RGS3: variants seen among roughly 807,000 people sequenced by gnomAD.
RGS3 encodes regulator of G-protein signalling 3.
In RGS3, 80 loss-of-function variants were observed where a neutral mutation model predicts 132.6. The observed-to-expected ratio is 0.60, with a 90% CI of 0.50 to 0.73. The LOEUF (loss-of-function observed/expected upper bound fraction) is 0.73, where lower values mean the gene tolerates loss of function less well. RGS3 is among the 30% of genes least tolerant of loss of function. RGS3 has a pLI of 0.00. For synonymous variants in RGS3, 598 were observed against 620.6 expected, an observed-to-expected ratio of 0.96 and a Z score of 0.54; for missense variants, 1,382 against 1,530.8, an observed-to-expected ratio of 0.90 and a Z score of 1.62.
intron 7 of RGS3, among the ~76,000 whole-genome samples, chr9:113,494,889 T>C (rs1251771775): frequency 1.3e-5 from 2 of 151,592 alleles, no homozygotes; most frequent in African/African-American, 4.9e-5. Flanking sequence ...TCTTCTTTTT[T>C]TTTGAGATGG....
intron 16 of RGS3, among the ~76,000 whole-genome samples, chr9:113,520,768 G>T (rs1428093653): frequency 1.3e-5 from 2 of 151,818 alleles, no homozygotes; most frequent in African/African-American, 4.8e-5. Flanking sequence ...CCAATTCCTT[G>T]ACTCCTTCTG....
In RGS3 at chr9:113,527,433, C is replaced by A. The variant is rs562872663; in HGVS notation, c.1871-1788C>A. Among the ~76,000 whole-genome samples, 41 of 152,310 alleles carry A rather than the reference C, an allele frequency of 2.7e-4. 1 individual carries two copies. The highest frequency in any genetic ancestry group is 9.4e-4 in the African/African-American group (39 of 41,570). On this transcript the variant is annotated intron_variant, in intron 17 of 24. Coordinates refer to ENST00000350696, the Ensembl canonical transcript of RGS3. ...GTGTTCTCTTAAACAAAAGAAACCACCTCCTCTTGTCTCCACCCTCAGCAA... is the reference window on the plus strand; with the variant it reads ...GTGTTCTCTTAAACAAAAGAAACCAACTCCTCTTGTCTCCACCCTCAGCAA...
chr9:113,508,505 T>G, intron 13 of RGS3, 36 bp from the exon 12 acceptor site: 2 of 1,611,878 alleles, frequency 1.2e-6, no homozygotes, highest in Non-Finnish European at 1.7e-6. Context: ...GCCCTGTTCC[T>G]GGGGCTGAGG....
chr9:113,496,684 G>T (rs775329220), intron 8 of RGS3, among the ~76,000 whole-genome samples: 6 of 152,094 alleles, frequency 3.9e-5, no homozygotes, highest in Non-Finnish European at 7.4e-5. Flanking sequence ...CTGAGTAGCT[G>T]GGATTATAGG....
chr9:113,536,324 C>T (rs1489332724), intron 18 of RGS3, among the ~76,000 whole-genome samples: 6 of 152,218 alleles, frequency 3.9e-5, no homozygotes, highest in African/African-American at 1.2e-4. Flanking sequence ...TCCAACCACC[C>T]GTTCAGCCTT....
At chr9:113,492,192 G>A (rs1830541387) in intron 7 of RGS3, among the ~76,000 whole-genome samples, 1 of 152,174 alleles carries the variant, frequency 6.6e-6, no homozygotes, top group African/African-American at 2.4e-5. Flanking sequence ...TTTTCATCTT[G>A]TAATGAGTCT....
rs571826323 is a variant in RGS3 at position 113,554,265 on chromosome 9, A to G, written c.2037+17347A>G. Among the ~76,000 whole-genome samples, 13 of 152,290 alleles carry G rather than the reference A, an allele frequency of 8.5e-5. No individual in the cohort carries two copies. The South Asian group carries it at 2.7e-3, about 32-fold the overall frequency. ...TACAAGAAGTGAAAAATTATATTTA[A>G]TCTTAATTGACATTTATTTCATTAT... On this transcript the variant is annotated intron_variant, in intron 19 of 24. Coordinates refer to ENST00000350696, the Ensembl canonical transcript of RGS3.
chr9:113,557,671 C>G (rs1833621969), intron 19 of RGS3, among the ~76,000 whole-genome samples: 1 of 152,150 alleles, frequency 6.6e-6, no homozygotes, highest in Non-Finnish European at 1.5e-5. Flanking sequence ...AATGTGGGGT[C>G]CAGTGTGGGG....
Position 113,586,171 on chromosome 9 carries a change from C to T in RGS3, c.3015+1744C>T, listed in dbSNP as rs140763950. On this transcript the variant is annotated intron_variant, in intron 20 of 24. Transcript: ENST00000350696. The stretch of plus-strand genomic sequence containing the variant: ...TTGATGGTTTCTACAGGAGAGAGTC[C>T]GGAACGCTGTCCTTCCAAGGCAAGG... 6.5e-3 allele frequency among the ~76,000 whole-genome samples: 991 copies of T among 152,224 alleles called. 44 individuals carry two copies. Among genetic ancestry groups the T allele is most frequent in the Admixed American group, 0.054 (827 of 15,278 alleles).
At chr9:113,582,254 G>A in intron 19 of RGS3, 3 of 955,194 alleles carry the variant, frequency 3.1e-6, no homozygotes, top group Non-Finnish European at 2.5e-6. Context: ...TAAGTCACCG[G>A]CCTTTGGGCT....
chr9:113,577,493 G>A (rs1161534155), intron 19 of RGS3, among the ~76,000 whole-genome samples: 1 of 152,204 alleles, frequency 6.6e-6, no homozygotes, highest in African/African-American at 2.4e-5. Context: ...GGCAACTGGT[G>A]GTGGCTTCAT....
chr9:113,507,593 C>T lies in RGS3; in HGVS notation c.1392C>T (p.Thr464=), dbSNP rs765494794. ...CACTGTCCCGTGCCACTGCCCCCAC[C>T]GACCCCAACTACATCATCCTGGCCC... Residue 464 remains threonine (T), a synonymous_variant, in exon 13 of 25, where the codon ACC becomes ACT. Coordinates refer to ENST00000350696, the Ensembl canonical transcript of RGS3. This position sits in a 1 kb window ranked among gnomAD's most constrained non-coding sequence, Gnocchi z 5.0. The T allele has an allele frequency of 1.9e-5, 29 of 1,512,302 alleles. No individual in the cohort carries two copies. Among genetic ancestry groups the T allele is most frequent in the Non-Finnish European group, 1.8e-5 (20 of 1,127,064 alleles). 93.7% of individuals were successfully genotyped at this position (1,512,302 alleles called of 1,614,324 possible). A position where few individuals can be genotyped will look rare whatever the true frequency, so the allele number is the denominator to read the frequency against.
intron 17 of RGS3, among the ~76,000 whole-genome samples, chr9:113,526,276 A>C (rs1027700637): frequency 4.6e-5 from 7 of 152,176 alleles, no homozygotes; most frequent in Admixed American, 3.3e-4. Flanking sequence ...AGCTGCTGGA[A>C]TGTTTGGAGT....
Position 113,591,597 on chromosome 9 carries a change from C to T in RGS3, c.3080+200C>T. 1 of 567,076 alleles carries T rather than the reference C, an allele frequency of 1.8e-6. No individual in the cohort carries two copies. Among genetic ancestry groups the T allele is most frequent in the Non-Finnish European group, 3.2e-6 (1 of 314,766 alleles). The allele number at this position is 567,076 out of a possible 1,614,324, so 35.1% of individuals were successfully genotyped here. ...GTCACCTGGGTCCTGAGCATTCTCT[C>T]CAAGTGAGGCAAAGTGCTGATTCAG... On this transcript the variant is annotated intron_variant, in intron 21 of 24. Transcript: ENST00000350696. The surrounding 1 kb of genome is among the most constrained non-coding windows in gnomAD (Gnocchi z 4.4).
exon 20 of RGS3, chr9:113,584,236 C>G (rs144903962): frequency 6.2e-7 from 1 of 1,611,826 alleles, no homozygotes; most frequent in Non-Finnish European, 8.5e-7. Context: ...GCGCCGGACG[C>G]ACAGCGAGGG....
At chr9:113,569,485 C>A (rs1186590955) in intron 19 of RGS3, among the ~76,000 whole-genome samples, 1 of 152,156 alleles carries the variant, frequency 6.6e-6, no homozygotes. Context: ...ATCTTCACTT[C>A]TCAGACCTCA....
intron 3 of RGS3, among the ~76,000 whole-genome samples, chr9:113,471,176 T>A (rs969262977): frequency 1.3e-5 from 2 of 152,080 alleles, no homozygotes; most frequent in African/African-American, 2.4e-5. Context: ...TGTGTCTGAT[T>A]ACAGTTCACT....
chr9:113,531,515 C>G (rs1294126380), intron 18 of RGS3, among the ~76,000 whole-genome samples: 1 of 152,126 alleles, frequency 6.6e-6, no homozygotes, highest in East Asian at 1.9e-4. Context: ...ACACAGTGAG[C>G]GCTCAATAAA....
intron 10 of RGS3, among the ~76,000 whole-genome samples, chr9:113,498,372 T>G (rs999245528): frequency 1.3e-5 from 2 of 152,076 alleles, no homozygotes; most frequent in Non-Finnish European, 2.9e-5. Context: ...GTCCTCCCCT[T>G]CCCACAGACT....
Sources: gnomAD v4.1 joint callset for allele counts (sites outside exome capture counted in the v4.1 genomes callset) on GRCh38, gnomAD v4.1.1 for gene constraint, Gnocchi (gnomAD v3.1) non-coding constraint, MANE v1.5 for transcripts, NCBI Gene and HGNC (gene_info 2026-07-23, HGNC 2026-07-21) for gene names.